Variants in CNTN1 observed in about 807,000 individuals in gnomAD.
CNTN1 encodes contactin 1.
A neutral mutation model predicts 126.4 loss-of-function variants in CNTN1; 38 were observed. The ratio of observed to expected loss-of-function variants is 0.30; its 90% CI spans 0.23 to 0.39. The LOEUF (loss-of-function observed/expected upper bound fraction) is 0.39, where lower values mean the gene tolerates loss of function less well. CNTN1 is among the 10% of genes least tolerant of loss of function. The probability of loss-of-function intolerance (pLI) is 1.00; values close to 1 mark genes in which losing one functional copy is unlikely to be tolerated. For synonymous variants in CNTN1, 413 were observed against 422.6 expected (o/e 0.98, Z 0.28); for missense variants, 1,009 against 1,248.4 (o/e 0.81, Z 2.89).
intron 1 of CNTN1, among the ~76,000 whole-genome samples, chr12:40,836,271 T>C (rs985282911): frequency 2.0e-5 from 3 of 148,316 alleles, no homozygotes; most frequent in African/African-American, 7.4e-5. Context: ...ACATATAATA[T>C]GTATGTATAT....
chr12:40,981,993 TTAACA>T (rs1216741355), intron 16 of CNTN1, among the ~76,000 whole-genome samples: 1 of 152,118 alleles, frequency 6.6e-6, no homozygotes, highest in Non-Finnish European at 1.5e-5. Context: ...TAGATTTATC[TTAACA>T]TAATGGAAAT....
rs34419027 is a variant in CNTN1 at position 40,958,351 on chromosome 12, A to ATGTG, written c.1684-737_1684-734dup. Among the ~76,000 whole-genome samples, 1,381 of 147,138 alleles carry ATGTG rather than the reference A, an allele frequency of 9.4e-3. 13 individuals are homozygous for ATGTG. The highest frequency in any genetic ancestry group is 0.028 in the African/African-American group (1,117 of 40,098). ...TATGTGTATATGTGTGTGTGTATATATGTGTGTGTGTGTGTGTGTGTGTGT... is the reference window on the plus strand; with the variant it reads ...TATGTGTATATGTGTGTGTGTATATATGTGTGTGTGTGTGTGTGTGTGTGTGTGT... On this transcript the variant is annotated intron_variant, in intron 14 of 23. Transcript: ENST00000551295.
intron 14 of CNTN1, among the ~76,000 whole-genome samples, chr12:40,945,502 A>G (rs1472249491): frequency 6.6e-6 from 1 of 152,086 alleles, no homozygotes; most frequent in East Asian, 1.9e-4. Flanking sequence ...GAAGTTCCAC[A>G]ACCATAGTTT....
intron 17 of CNTN1, among the ~76,000 whole-genome samples, chr12:41,009,203 T>G (rs1389855505): frequency 6.6e-6 from 1 of 152,156 alleles, no homozygotes; most frequent in Non-Finnish European, 1.5e-5. Flanking sequence ...GGGAGAAAGG[T>G]GACTGGGCTT....
At chr12:41,047,297 A>G (rs1437440025) in intron 23 of CNTN1, among the ~76,000 whole-genome samples, 1 of 151,922 alleles carries the variant, frequency 6.6e-6, no homozygotes, top group Non-Finnish European at 1.5e-5. Context: ...AAACCTTCCC[A>G]CTGTTCCCTC....
intron 1 of CNTN1, among the ~76,000 whole-genome samples, chr12:40,847,949 G>A (rs185795374): frequency 1.9e-3 from 296 of 152,272 alleles, no homozygotes; most frequent in Middle Eastern, 3.4e-3. Context: ...TCACTTGCAC[G>A]GGCAGTTCAC....
chr12:40,867,450 A>G (rs2136660069), intron 1 of CNTN1, among the ~76,000 whole-genome samples: 1 of 152,322 alleles, frequency 6.6e-6, no homozygotes. Context: ...ACTATAGTTA[A>G]TAACAATGTA....
intron 1 of CNTN1, among the ~76,000 whole-genome samples, chr12:40,707,709 G>A (rs752080612): frequency 8.5e-5 from 13 of 152,068 alleles, no homozygotes; most frequent in Non-Finnish European, 1.8e-4. Context: ...CTGATAATGA[G>A]TGACTGATTT....
intron 6 of CNTN1, 114 bp from the exon 7 acceptor site, chr12:40,929,682 T>G: frequency 1.3e-6 from 1 of 771,986 alleles, no homozygotes; most frequent in Non-Finnish European, 2.2e-6. Flanking sequence ...TCCTAACATT[T>G]GCTCCACAAT....
chr12:40,869,926 GT>G (rs1943428903), intron 1 of CNTN1, among the ~76,000 whole-genome samples: 2 of 152,166 alleles, frequency 1.3e-5, no homozygotes, highest in East Asian at 3.9e-4. Context: ...ATCTTGAATT[GT>G]AACTCCCATA....
intron 1 of CNTN1, among the ~76,000 whole-genome samples, chr12:40,853,970 T>A (rs1000636400): frequency 6.6e-6 from 1 of 150,658 alleles, no homozygotes; most frequent in Non-Finnish European, 1.5e-5. Flanking sequence ...TCCAAATTTA[T>A]AATAATTTTC....
rs1950138592 is a variant in CNTN1, at chr12:41,070,491, T to C, written c.*456T>C. 5.3e-6 allele frequency: 1 copy of C among 189,378 alleles called. No homozygotes were observed. The highest frequency in any genetic ancestry group is 5.4e-5 in the Admixed American group (1 of 18,606). 11.7% of individuals were successfully genotyped at this position (189,378 alleles called of 1,614,324 possible). A position where few individuals can be genotyped will look rare whatever the true frequency, so the allele number is the denominator to read the frequency against. The stretch of plus-strand genomic sequence containing the variant: ...ATACAGTCTCTTGTACTTTCCTCAC[T>C]GTTTTGGGTACTGCATATTATTGAA... On this transcript the variant is annotated 3_prime_UTR_variant, in exon 24 of 24. Transcript: ENST00000551295.
intron 1 of CNTN1, among the ~76,000 whole-genome samples, chr12:40,751,876 C>T (rs796178811): frequency 7.9e-5 from 12 of 152,122 alleles, no homozygotes; most frequent in Middle Eastern, 3.4e-3. Flanking sequence ...TAAATTAAAG[C>T]GTTTACTATA....
chr12:40,945,687 T>C (rs1441697649), intron 14 of CNTN1, among the ~76,000 whole-genome samples: 7 of 149,720 alleles, frequency 4.7e-5, no homozygotes, highest in African/African-American at 1.7e-4. Flanking sequence ...AAAAAAGGAA[T>C]TTAAAGAGAA....
intron 17 of CNTN1, among the ~76,000 whole-genome samples, chr12:41,005,388 A>T (rs895651190): frequency 2.6e-5 from 4 of 152,118 alleles, no homozygotes; most frequent in African/African-American, 9.7e-5. Flanking sequence ...AATCTTTAAA[A>T]ATATGATGAT....
intron 1 of CNTN1, among the ~76,000 whole-genome samples, chr12:40,840,386 A>G (rs1009503797): frequency 1.7e-4 from 26 of 152,046 alleles, no homozygotes; most frequent in African/African-American, 6.3e-4. Flanking sequence ...GCTATAAAGA[A>G]TAATAGTGAG....
chr12:40,858,589 AC>A (rs1353920044), intron 1 of CNTN1, among the ~76,000 whole-genome samples: 1 of 152,160 alleles, frequency 6.6e-6, no homozygotes, highest in Non-Finnish European at 1.5e-5. Context: ...AAGATCTAGA[AC>A]CAGAAATACC....
chr12:40,935,237 C>A (rs903252178), intron 9 of CNTN1, among the ~76,000 whole-genome samples: 4 of 152,076 alleles, frequency 2.6e-5, no homozygotes, highest in African/African-American at 9.7e-5. Context: ...GAAGAAAATA[C>A]TAGGTAAGGT....
chr12:41,067,735 G>A (rs1309432144), intron 23 of CNTN1, among the ~76,000 whole-genome samples: 1 of 149,578 alleles, frequency 6.7e-6, no homozygotes, highest in African/African-American at 2.5e-5. Context: ...CCTGCACAAT[G>A]TGCACATGTA....
Sources: allele counts gnomAD v4.1 joint callset (sites outside exome capture counted in the v4.1 genomes callset), GRCh38; gene constraint gnomAD v4.1.1; transcripts MANE v1.5; gene names NCBI Gene and HGNC (gene_info 2026-07-23, HGNC 2026-07-21).